Variants in IQCM observed in about 807,000 individuals in gnomAD.
IQCM encodes IQ domain-containing protein M.
A neutral mutation model predicts 57.6 loss-of-function variants in IQCM; 45 were observed. The ratio of observed to expected loss-of-function variants is 0.78; its 90% confidence interval spans 0.62 to 1.00. The LOEUF is 1.00. Ranked by LOEUF, IQCM falls within the 50% of genes least tolerant of loss-of-function variation. IQCM has a pLI of 0.00. For synonymous variants in IQCM, 148 were observed against 158.9 expected, an observed-to-expected ratio of 0.93 and a Z score of 0.51; for missense variants, 468 against 511.6, an observed-to-expected ratio of 0.91 and a Z score of 0.82.
chr4:149,353,321 T>G (rs924668744), intron 13 of IQCM, among the ~76,000 whole-genome samples: 1 of 152,184 alleles, frequency 6.6e-6, no homozygotes, highest in Non-Finnish European at 1.5e-5. Context: ...GAAACACTTA[T>G]ACACTATTGG....
chr4:149,552,990 C>T (rs12512498), intron 11 of IQCM, among the ~76,000 whole-genome samples, 153 bp downstream of exon 11: 3,631 of 152,282 alleles, frequency 0.024, 105 homozygotes, highest in South Asian at 0.15. Context: ...TAAATTAATT[C>T]AAATGTACAA....
intron 12 of IQCM, among the ~76,000 whole-genome samples, chr4:149,484,351 T>A (rs911100454): frequency 3.9e-5 from 6 of 152,006 alleles, no homozygotes; most frequent in African/African-American, 1.4e-4. Flanking sequence ...TTGTTATTTG[T>A]TTTTTAGGTT....
In IQCM at chr4:149,686,612, C is replaced by T. The variant is rs1055711674; in HGVS notation, c.386-144G>A. 6 of 391,090 alleles carry T rather than the reference C, an allele frequency of 1.5e-5. No homozygotes were observed. In the Middle Eastern group the frequency reaches 3.3e-3, roughly 215 times the overall value. The allele number at this position is 391,090 out of a possible 1,614,324, so 24.2% of individuals were successfully genotyped here. Reference sequence around the variant, plus strand: ...TTACTAACACAGAGATACTAAAAATCACAGCTGAGTAGTTTTCTTCACTCC... The same window carrying T: ...TTACTAACACAGAGATACTAAAAATTACAGCTGAGTAGTTTTCTTCACTCC... On this transcript the variant is annotated intron_variant, in intron 5 of 13. Coordinates refer to ENST00000636793, the MANE Select transcript of IQCM (RefSeq NM_001363507.2).
chr4:149,659,517 C>T (rs572880856), intron 7 of IQCM, among the ~76,000 whole-genome samples: 25 of 152,074 alleles, frequency 1.6e-4, no homozygotes, highest in Non-Finnish European at 2.6e-4. Flanking sequence ...GAGCCCGCAT[C>T]GCCAAGTCAA....
At chr4:149,382,940 A>G (rs1455921766) in intron 13 of IQCM, among the ~76,000 whole-genome samples, 1 of 151,646 alleles carries the variant, frequency 6.6e-6, no homozygotes, top group Non-Finnish European at 1.5e-5. Flanking sequence ...AAAAACAAAA[A>G]CTTGAGTTTT....
intron 2 of IQCM, among the ~76,000 whole-genome samples, chr4:149,782,434 ACT>A (rs997627803): frequency 1.3e-5 from 2 of 151,786 alleles, no homozygotes; most frequent in African/African-American, 4.8e-5. Context: ...ACAAAGTGAG[ACT>A]CTCTCTCTCT....
At chr4:149,649,220 T>G (rs923250478) in intron 7 of IQCM, among the ~76,000 whole-genome samples, 31 of 152,030 alleles carry the variant, frequency 2.0e-4, no homozygotes, top group African/African-American at 7.5e-4. Flanking sequence ...GGAGGGGTCC[T>G]TTCCTTAACA....
Position 149,621,163 on chromosome 4 carries a change from G to C in IQCM, c.647C>G (p.Ser216Cys). 2 of 1,231,242 alleles carry C rather than the reference G, an allele frequency of 1.6e-6. No homozygotes were observed. The highest frequency in any genetic ancestry group is 2.0e-6 in the Non-Finnish European group (2 of 987,182). The allele number at this position is 1,231,242 out of a possible 1,614,324, so 76.3% of individuals were successfully genotyped here. ...ATCCCGAAATATTGATGATGATTGA[G>C]AGAAACTAACTCGACGGGAGTCACA... is the stretch of plus-strand genomic sequence containing the variant. ...LACDSRRVSF[S>C]QSSSIFRDYY... The change falls in exon 8 of 14, where the codon TCT becomes TGT. Residue 216 changes from serine to cysteine, a missense_variant. Coordinates refer to ENST00000636793, the MANE Select transcript of IQCM (RefSeq NM_001363507.2).
At chr4:149,384,065 C>T (rs984042507) in intron 13 of IQCM, among the ~76,000 whole-genome samples, 1 of 152,114 alleles carries the variant, frequency 6.6e-6, no homozygotes, top group African/African-American at 2.4e-5. Context: ...TATATCTTCT[C>T]ATGAAATTTG....
intron 8 of IQCM, among the ~76,000 whole-genome samples, chr4:149,599,413 G>T (rs951251140): frequency 2.0e-5 from 3 of 152,116 alleles, no homozygotes; most frequent in African/African-American, 7.2e-5. Context: ...TGCTAAAATT[G>T]TATGGAAATG....
chr4:149,358,993 A>G (rs1578784403), intron 13 of IQCM, among the ~76,000 whole-genome samples: 1 of 141,538 alleles, frequency 7.1e-6, no homozygotes, highest in East Asian at 2.0e-4. Context: ...AAAAGTAAAA[A>G]GAAAGAAAAA....
intron 12 of IQCM, among the ~76,000 whole-genome samples, chr4:149,518,293 A>G (rs973212700): frequency 6.6e-6 from 1 of 152,184 alleles, no homozygotes; most frequent in Non-Finnish European, 1.5e-5. Context: ...ACTTAGCAAA[A>G]TAAGAGTAGG....
intron 10 of IQCM, 73 bp from the exon 11 acceptor site, chr4:149,553,360 T>C: frequency 8.7e-7 from 1 of 1,147,630 alleles, no homozygotes; most frequent in Non-Finnish European, 1.1e-6. Flanking sequence ...TTTCATTTAG[T>C]CTATTTCACC....
At chr4:149,532,855 A>T (rs769400291) in intron 12 of IQCM, among the ~76,000 whole-genome samples, 12 of 152,178 alleles carry the variant, frequency 7.9e-5, no homozygotes, top group Non-Finnish European at 1.8e-4. Flanking sequence ...ACAAATACAG[A>T]GAAACATGTG....
chr4:149,455,655 T>A (rs1353839271), intron 12 of IQCM, among the ~76,000 whole-genome samples: 1 of 152,024 alleles, frequency 6.6e-6, no homozygotes, highest in African/African-American at 2.4e-5. Flanking sequence ...GCTGCAGACA[T>A]GTAAAACCAC....
In IQCM at chr4:149,378,341, A is replaced by G. The variant is rs1221096201; in HGVS notation, c.1391-26275T>C. Reference sequence around the variant, plus strand: ...GGTAGGAACAGTTGGAGGGCTCAGAAAAAGATAGGAAAATGTGCGAAAGTT... The same window carrying G: ...GGTAGGAACAGTTGGAGGGCTCAGAGAAAGATAGGAAAATGTGCGAAAGTT... On this transcript the variant is annotated intron_variant, in intron 13 of 13. Coordinates refer to ENST00000636793, the MANE Select transcript of IQCM (RefSeq NM_001363507.2). 2.0e-5 allele frequency among the ~76,000 whole-genome samples: 3 copies of G among 152,156 alleles called. No individual in the cohort carries two copies. In the East Asian group the frequency reaches 5.8e-4, roughly 29 times the overall value.
chr4:149,670,550 G>C (rs1023794538), intron 7 of IQCM, among the ~76,000 whole-genome samples: 4 of 152,124 alleles, frequency 2.6e-5, no homozygotes, highest in African/African-American at 9.7e-5. Context: ...ATCCTGTCTT[G>C]TGCCAGTTTT....
At chr4:149,712,479 C>A (rs894476842) in intron 5 of IQCM, among the ~76,000 whole-genome samples, 3 of 152,150 alleles carry the variant, frequency 2.0e-5, no homozygotes, top group Non-Finnish European at 4.4e-5. Flanking sequence ...TTGCTTAAAC[C>A]TGGCTAGCAA....
At chr4:149,718,852 A>C (rs1247071312) in intron 5 of IQCM, among the ~76,000 whole-genome samples, 1 of 152,194 alleles carries the variant, frequency 6.6e-6, no homozygotes, top group African/African-American at 2.4e-5. Flanking sequence ...CACTTGTGAC[A>C]GTATTTATAG....
Sources: gnomAD v4.1 joint callset for allele counts (sites outside exome capture counted in the v4.1 genomes callset) on GRCh38, gnomAD v4.1.1 for gene constraint, MANE v1.5 for transcripts, NCBI Gene and HGNC (gene_info 2026-07-23, HGNC 2026-07-21) for gene names.